ABCF1: variants seen among roughly 807,000 people sequenced by gnomAD.
ABCF1 encodes ATP-binding cassette sub-family F member 1.
Under a neutral mutation model 126.3 loss-of-function variants are expected in ABCF1, and 73 were observed. That is an observed-to-expected ratio of 0.58 (90% CI 0.48 to 0.70). The LOEUF (loss-of-function observed/expected upper bound fraction) is 0.70. Ranked by LOEUF, ABCF1 falls within the 30% of genes least tolerant of loss-of-function variation. ABCF1 has a pLI of 0.00. For missense variants in ABCF1, 786 were observed against 1,057.5 expected (o/e 0.74, Z 3.56); for synonymous variants, 345 against 396.4 (o/e 0.87, Z 1.54).
rs780958622 is a variant in ABCF1, at chr6:30,583,914, G to GGCTT, written c.1102+26_1102+29dup. 1.9e-6 allele frequency: 3 copies of GGCTT among 1,610,588 alleles called. No homozygotes were observed. The highest frequency in any genetic ancestry group is 3.3e-5 in the Admixed American group (2 of 59,942). ...GGGTGAGACCACTGGGGAGAAAAGG[G>GGCTT]GCTTGGTGGGGTGGGCAGTTGGGTA... On this transcript the variant is annotated intron_variant, in intron 12 of 24. Transcript: ENST00000326195. This position sits in a 1 kb window ranked among gnomAD's most constrained non-coding sequence, Gnocchi z 4.1.
At position 30,583,919 on chromosome 6, in the gene ABCF1, G is replaced by A. The variant is rs779258947; in HGVS notation, c.1102+29G>A. On this transcript the variant is annotated intron_variant, in intron 12 of 24. Coordinates refer to ENST00000326195, the MANE Select transcript of ABCF1 (RefSeq NM_001025091.2). The surrounding 1 kb of genome is among the most constrained non-coding windows in gnomAD (Gnocchi z 4.1). Reference sequence around the variant, plus strand: ...AGACCACTGGGGAGAAAAGGGGCTTGGTGGGGTGGGCAGTTGGGTAGAAAA... The same window carrying A: ...AGACCACTGGGGAGAAAAGGGGCTTAGTGGGGTGGGCAGTTGGGTAGAAAA... 5 of 1,609,192 alleles carry A rather than the reference G, an allele frequency of 3.1e-6. No homozygotes were observed. In the East Asian group the frequency reaches 1.1e-4, roughly 36 times the overall value.
intron 1 of ABCF1, among the ~76,000 whole-genome samples, chr6:30,575,572 C>G (rs1439284383): frequency 1.3e-5 from 2 of 151,910 alleles, no homozygotes; most frequent in Non-Finnish European, 2.9e-5. Flanking sequence ...GAGCTAGAAT[C>G]TGTTGAATCT....
intron 6 of ABCF1, 54 bp downstream of exon 6, chr6:30,578,631 A>G (rs1801642739): frequency 6.8e-7 from 1 of 1,466,372 alleles, no homozygotes. Context: ...CCTTCTGGCC[A>G]TGGTGGAGTA....
chr6:30,584,108 C>A lies in ABCF1; in HGVS notation c.1103-84C>A. ...GTACAAAGAGCTGGGCAGGGTCAGG[C>A]AAAACAGAAATGTAATTGAAGGGAA... is the stretch of plus-strand genomic sequence containing the variant. On this transcript the variant is annotated intron_variant, in intron 12 of 24. Coordinates refer to ENST00000326195, the MANE Select transcript of ABCF1 (RefSeq NM_001025091.2). This position sits in a 1 kb window ranked among gnomAD's most constrained non-coding sequence, Gnocchi z 4.6. 6.5e-7 allele frequency: 1 copy of A among 1,544,492 alleles called. No individual in the cohort carries two copies. The highest frequency in any genetic ancestry group is 1.9e-5 in the Admixed American group (1 of 51,604).
intron 15 of ABCF1, 93 bp from the exon 16 acceptor site, chr6:30,585,465 C>T: frequency 1.3e-6 from 2 of 1,590,624 alleles, no homozygotes; most frequent in Non-Finnish European, 1.7e-6. Context: ...TCAGACCCCC[C>T]TTTCCCTCCC....
rs1801583391 is a variant in ABCF1, at chr6:30,577,836, G to A, written c.139G>A (p.Val47Ile). 1 of 1,613,938 alleles carries A rather than the reference G, an allele frequency of 6.2e-7. No homozygotes were observed. The highest frequency in any genetic ancestry group is 8.5e-7 in the Non-Finnish European group (1 of 1,180,034). ...TTTATAGTTCTTTGAAGAGCTGGCAGTAGAAGATAAACAGGCTGGGGAAGA... is the reference window on the plus strand; with the variant it reads ...TTTATAGTTCTTTGAAGAGCTGGCAATAGAAGATAAACAGGCTGGGGAAGA... ...IKKTFFEELAVEDKQAGEEEK... is the reference protein window; with the variant it reads ...IKKTFFEELAIEDKQAGEEEK... The change falls in exon 3 of 25, where the codon GTA becomes ATA. Residue 47 changes from valine to isoleucine, a missense_variant. Val to Ile is a conservative substitution (Grantham distance 29). Around this residue, in one of 4 missense-constraint regions of ABCF1, gnomAD observed 322 missense variants for 322.9 expected, o/e 1.00. Coordinates refer to ENST00000326195, the MANE Select transcript of ABCF1 (RefSeq NM_001025091.2).
At position 30,583,219 on chromosome 6, in the gene ABCF1, C is replaced by T. The variant is rs763323516; in HGVS notation, c.915+31C>T. The T allele has an allele frequency of 3.1e-5, 49 of 1,585,466 alleles. 1 individual carries two copies. The South Asian group carries it at 5.4e-4, about 17-fold the overall frequency. ...GTCTCAAGGGGCCCCTTCCAGTCCA[C>T]TTACCTAGGGAAGAGCCAGTTCTCT... is the stretch of plus-strand genomic sequence containing the variant. On this transcript the variant is annotated intron_variant, in intron 10 of 24. Transcript: ENST00000326195. This position sits in a 1 kb window ranked among gnomAD's most constrained non-coding sequence, Gnocchi z 4.1.
intron 8 of ABCF1, among the ~76,000 whole-genome samples, chr6:30,581,912 C>T (rs1336141296): frequency 6.6e-6 from 1 of 152,112 alleles, no homozygotes; most frequent in Non-Finnish European, 1.5e-5. Context: ...TAATAAAGGA[C>T]CTCAGGGAGA....
chr6:30,583,321 T>C lies in ABCF1; in HGVS notation c.915+133T>C. The C allele has an allele frequency of 7.7e-7, 1 of 1,295,850 alleles. No individual in the cohort carries two copies. Among genetic ancestry groups the C allele is most frequent in the Non-Finnish European group, 1.1e-6 (1 of 945,672 alleles). 80.3% of individuals were successfully genotyped at this position (1,295,850 alleles called of 1,614,324 possible). On this transcript the variant is annotated intron_variant, in intron 10 of 24. Coordinates refer to ENST00000326195, the MANE Select transcript of ABCF1 (RefSeq NM_001025091.2). This position sits in a 1 kb window ranked among gnomAD's most constrained non-coding sequence, Gnocchi z 4.1. ...AAGATTGGAGGCATTTTCCACACCT[T>C]AGGTTCTGCCAACTTGAGCAAGAAG...
intron 2 of ABCF1, 76 bp downstream of exon 2, chr6:30,577,531 T>C: frequency 6.6e-7 from 1 of 1,513,618 alleles, no homozygotes; most frequent in Non-Finnish European, 9.1e-7. Flanking sequence ...GTGAAGGAGG[T>C]GGGAGGTCCA....
At chr6:30,577,366 G>C (rs778128490) in intron 1 of ABCF1, 43 bp from the exon 2 acceptor site, 3 of 1,608,270 alleles carry the variant, frequency 1.9e-6, no homozygotes, top group Non-Finnish European at 2.6e-6. Context: ...GACTGCTTTG[G>C]AATTTGCAGA....
At chr6:30,575,651 A>G (rs557876808) in intron 1 of ABCF1, among the ~76,000 whole-genome samples, 24 of 152,144 alleles carry the variant, frequency 1.6e-4, no homozygotes, top group Non-Finnish European at 2.5e-4. Flanking sequence ...AAGCACACAG[A>G]CAGGTAAATA....
At chr6:30,590,113 G>A in intron 22 of ABCF1, 36 bp from the exon 23 acceptor site, 2 of 1,612,870 alleles carry the variant, frequency 1.2e-6, no homozygotes, top group Non-Finnish European at 1.7e-6. Context: ...AATGTGAGGT[G>A]CTAGGTGTGA....
Position 30,579,999 on chromosome 6 carries a change from G to A in ABCF1, c.558G>A (p.Lys186=). 1 of 1,612,608 alleles carries A rather than the reference G, an allele frequency of 6.2e-7. No individual in the cohort carries two copies. Among genetic ancestry groups the A allele is most frequent in the Non-Finnish European group, 8.5e-7 (1 of 1,179,802 alleles). The change falls in exon 7 of 25, where the codon AAG becomes AAA. Residue 186 remains lysine, a synonymous_variant. Coordinates refer to ENST00000326195, the MANE Select transcript of ABCF1 (RefSeq NM_001025091.2). ...GAAAGGAAGAGAAGTCAAAAGGGAA[G>A]GCTAAGGTGAGAGAGTAACTAGCAG... is the stretch of plus-strand genomic sequence containing the variant. The part of the protein sequence containing the change: ...KKGKEEKSKG[K]AKPQNKFAAL...
chr6:30,590,329 C>T lies in ABCF1; in HGVS notation c.2322C>T (p.Asp774=), dbSNP rs772690123. The change falls in exon 24 of 25, where the codon GAC becomes GAT. Residue 774 remains aspartate, a synonymous_variant. Coordinates refer to ENST00000326195, the MANE Select transcript of ABCF1 (RefSeq NM_001025091.2). ...LILDEPTNNL[D]IESIDALGEA... ...AGGACGAGCCAACCAATAACCTGGACATAGAGTCTATTGATGCTCTAGGGG... is the reference window on the plus strand; with the variant it reads ...AGGACGAGCCAACCAATAACCTGGATATAGAGTCTATTGATGCTCTAGGGG... 6.2e-7 allele frequency: 1 copy of T among 1,612,038 alleles called. No individual in the cohort carries two copies. Among genetic ancestry groups the T allele is most frequent in the Non-Finnish European group, 8.5e-7 (1 of 1,179,364 alleles).
intron 20 of ABCF1, among the ~76,000 whole-genome samples, chr6:30,587,451 A>G (rs1393852739): frequency 6.6e-6 from 1 of 152,044 alleles, no homozygotes; most frequent in East Asian, 1.9e-4. Context: ...TGAGACCAAC[A>G]TGAAGAAACC....
At chr6:30,579,873 G>A (rs1801713975) in intron 6 of ABCF1, 58 bp from the exon 7 acceptor site, 2 of 1,556,416 alleles carry the variant, frequency 1.3e-6, no homozygotes, top group Non-Finnish European at 1.8e-6. Context: ...TTATTACACA[G>A]CAAAGTAGCA....
chr6:30,579,455 ATT>A (rs9281009), intron 6 of ABCF1, among the ~76,000 whole-genome samples: 13 of 112,106 alleles, frequency 1.2e-4, no homozygotes, highest in African/African-American at 2.5e-4. Context: ...AGTTGGAACT[ATT>A]TTTTTTTTTT....
chr6:30,590,888 C>T lies in ABCF1; in HGVS notation c.*187C>T. On this transcript the variant is annotated 3_prime_UTR_variant, in exon 25 of 25. Transcript: ENST00000326195. ...TGATTGCATCCATTTCTCTGAAAGA[C>T]TTGTTTGTTCTGCTTCTCTTCATAT... 5.1e-6 allele frequency: 3 copies of T among 585,054 alleles called. No individual in the cohort carries two copies. The highest frequency in any genetic ancestry group is 8.6e-6 in the Non-Finnish European group (3 of 347,764). 36.2% of individuals were successfully genotyped at this position (585,054 alleles called of 1,614,324 possible).
Sources: allele counts gnomAD v4.1 joint callset (sites outside exome capture counted in the v4.1 genomes callset), GRCh38; gene constraint gnomAD v4.1.1; regional missense constraint gnomAD v4.1.1; non-coding constraint Gnocchi (gnomAD v3.1); transcripts MANE v1.5; gene names NCBI Gene and HGNC (gene_info 2026-07-23, HGNC 2026-07-21).